The following LPP variants were observed in gnomAD, a reference collection of about 807,000 sequenced individuals.
The protein encoded by LPP is lipoma-preferred partner.
A neutral mutation model predicts 60.4 loss-of-function variants in LPP; 38 were observed. The observed-to-expected ratio is 0.63, with a 90% CI of 0.49 to 0.83. The LOEUF is 0.83. LPP is among the 40% of genes least tolerant of loss of function. The probability of loss-of-function intolerance (pLI) is 0.00; values close to 1 mark genes in which losing one functional copy is unlikely to be tolerated. For synonymous variants in LPP, 328 were observed against 290.8 expected, an observed-to-expected ratio of 1.13 and a Z score of -1.30; for missense variants, 902 against 783.6, an observed-to-expected ratio of 1.15 and a Z score of -1.80.
Position 188,886,739 on chromosome 3 carries a change from C to CACAT in LPP, c.*12263_*12264insTACA. The CACAT allele has an allele frequency of 5.8e-6, 1 of 173,352 alleles. No homozygotes were observed. The highest frequency in any genetic ancestry group is 1.2e-5 in the Non-Finnish European group (1 of 82,694). 10.7% of individuals were successfully genotyped at this position (173,352 alleles called of 1,614,324 possible). ...TTCAAAACACACACACACACACATA[C>CACAT]ACACACACACACACACACACACACA... is the stretch of plus-strand genomic sequence containing the variant. On this transcript the variant is annotated 3_prime_UTR_variant, in exon 12 of 12. Transcript: ENST00000617246.
At position 188,657,975 on chromosome 3, in the gene LPP, T is replaced by C. The variant is rs146160138; in HGVS notation, c.1113+48131T>C. 1.3e-5 allele frequency among the ~76,000 whole-genome samples: 2 copies of C among 152,288 alleles called. 1 individual carries two copies. Among genetic ancestry groups the C allele is most frequent in the African/African-American group, 4.8e-5 (2 of 41,562 alleles). ...GCAGCTCAGATATGTGTCATCTTAA[T>C]ATTCCTATTAACCTTAGAACTTTGT... On this transcript the variant is annotated intron_variant, in intron 7 of 11. Coordinates refer to ENST00000617246, the MANE Select transcript of LPP (RefSeq NM_001375462.1).
intron 3 of LPP, among the ~76,000 whole-genome samples, chr3:188,389,376 T>C (rs1400531284): frequency 2.0e-5 from 3 of 152,142 alleles, no homozygotes; most frequent in Admixed American, 2.0e-4. Context: ...TTTGGCTCAG[T>C]TCTACTTGTC....
intron 1 of LPP, among the ~76,000 whole-genome samples, chr3:188,176,980 A>C (rs1355102421): frequency 6.6e-6 from 1 of 152,238 alleles, no homozygotes; most frequent in Non-Finnish European, 1.5e-5. Flanking sequence ...CTATAATTTG[A>C]AATAGACTTA....
At chr3:188,243,524 C>A (rs562546589) in intron 2 of LPP, among the ~76,000 whole-genome samples, 1 of 152,172 alleles carries the variant, frequency 6.6e-6, no homozygotes, top group Non-Finnish European at 1.5e-5. Context: ...CGAAATAAAT[C>A]GTTTCTTTTT....
intron 1 of LPP, among the ~76,000 whole-genome samples, chr3:188,161,474 A>G (rs1007778037): frequency 2.0e-5 from 3 of 152,170 alleles, no homozygotes; most frequent in African/African-American, 4.8e-5. Flanking sequence ...TTTAATGTAC[A>G]CCAAAGTTTG....
At chr3:188,422,913 TTGTG>T (rs10689970) in intron 4 of LPP, among the ~76,000 whole-genome samples, 7,514 of 133,838 alleles carry the variant, frequency 0.056, 277 homozygotes, top group South Asian at 0.19. Context: ...GGTGTCTTCT[TTGTG>T]TGTGTGTGTG....
intron 4 of LPP, among the ~76,000 whole-genome samples, chr3:188,475,918 A>G (rs1279461819): frequency 6.6e-6 from 1 of 152,002 alleles, no homozygotes; most frequent in Non-Finnish European, 1.5e-5. Context: ...CAAACAAACA[A>G]ACAAAAAAGA....
At chr3:188,247,389 T>C (rs1025742074) in intron 2 of LPP, among the ~76,000 whole-genome samples, 1 of 152,116 alleles carries the variant, frequency 6.6e-6, no homozygotes, top group African/African-American at 2.4e-5. Flanking sequence ...TTGTCAAAAC[T>C]AATACTTGTG....
chr3:188,504,809 G>A (rs1211176074), intron 5 of LPP, among the ~76,000 whole-genome samples: 1 of 151,122 alleles, frequency 6.6e-6, no homozygotes, highest in East Asian at 1.9e-4. Context: ...AAAAAAAAAA[G>A]GACTGGCCTT....
Position 188,449,949 on chromosome 3 carries a change from C to T in LPP, c.194-34643C>T, listed in dbSNP as rs372977611. Among the ~76,000 whole-genome samples, 190 of 152,128 alleles carry T rather than the reference C, an allele frequency of 1.2e-3. 2 individuals carry two copies. Among genetic ancestry groups the T allele is most frequent in the Admixed American group, 4.2e-3 (64 of 15,278 alleles). On this transcript the variant is annotated intron_variant, in intron 4 of 11. Transcript: ENST00000617246. ...CCTCCTGAGTAGCTGGGATTACAGGCGTGCACCACCACGCCTGGCTAATTT... is the reference window on the plus strand; with the variant it reads ...CCTCCTGAGTAGCTGGGATTACAGGTGTGCACCACCACGCCTGGCTAATTT...
intron 7 of LPP, among the ~76,000 whole-genome samples, chr3:188,657,728 C>T (rs2149066398): frequency 6.6e-6 from 1 of 152,228 alleles, no homozygotes; most frequent in Non-Finnish European, 1.5e-5. Flanking sequence ...TTACATTCAT[C>T]CCTCTGCTTT....
At chr3:188,325,361 C>T (rs1489314672) in intron 2 of LPP, among the ~76,000 whole-genome samples, 1 of 152,116 alleles carries the variant, frequency 6.6e-6, no homozygotes, top group African/African-American at 2.4e-5. Context: ...TCTGTATAAG[C>T]CAAGCTTTTT....
intron 3 of LPP, among the ~76,000 whole-genome samples, chr3:188,379,633 C>A (rs369259822): frequency 1.3e-5 from 2 of 152,146 alleles, no homozygotes; most frequent in Non-Finnish European, 2.9e-5. Context: ...TGTGAAGTTG[C>A]CCATTCTGGA....
chr3:188,325,556 C>T (rs1213301642), intron 2 of LPP, among the ~76,000 whole-genome samples: 1 of 152,168 alleles, frequency 6.6e-6, no homozygotes, highest in Non-Finnish European at 1.5e-5. Context: ...GTATGGTTCT[C>T]TAAAAGAGTG....
chr3:188,340,843 C>T (rs2150653236), intron 2 of LPP, among the ~76,000 whole-genome samples: 1 of 152,174 alleles, frequency 6.6e-6, no homozygotes, highest in African/African-American at 2.4e-5. Context: ...ATTCTCTTGC[C>T]TAATGTGCTT....
intron 1 of LPP, among the ~76,000 whole-genome samples, chr3:188,172,876 T>C (rs1721974679): frequency 6.6e-6 from 1 of 152,188 alleles, no homozygotes; most frequent in Non-Finnish European, 1.5e-5. Context: ...TATTTACTTA[T>C]TTTTTTGAGA....
intron 6 of LPP, among the ~76,000 whole-genome samples, chr3:188,577,316 A>G (rs1173490956): frequency 6.6e-6 from 1 of 152,180 alleles, no homozygotes; most frequent in Non-Finnish European, 1.5e-5. Flanking sequence ...CATACACCCT[A>G]GTTACTTCCA....
intron 1 of LPP, among the ~76,000 whole-genome samples, chr3:188,220,678 A>G (rs1715441931): frequency 6.6e-6 from 1 of 152,180 alleles, no homozygotes; most frequent in African/African-American, 2.4e-5. Flanking sequence ...GCTTCTTCTG[A>G]TTCAAGGAGT....
At chr3:188,260,486 G>GTTT (rs1336557830) in intron 2 of LPP, among the ~76,000 whole-genome samples, 2 of 151,408 alleles carry the variant, frequency 1.3e-5, no homozygotes, top group Non-Finnish European at 3.0e-5. Context: ...TAAGTGGGCT[G>GTTT]TTTATTATTA....
Sources: gnomAD v4.1 joint callset for allele counts (sites outside exome capture counted in the v4.1 genomes callset) on GRCh38, gnomAD v4.1.1 for gene constraint, MANE v1.5 for transcripts, NCBI Gene and HGNC (gene_info 2026-07-23, HGNC 2026-07-21) for gene names.